TMEM26: variants seen among roughly 807,000 people sequenced by gnomAD.
TMEM26 encodes transmembrane protein 26.
A neutral mutation model predicts 28.8 loss-of-function variants in TMEM26; 38 were observed. That is an observed-to-expected ratio of 1.32 (90% CI 1.02 to 1.73). The LOEUF (loss-of-function observed/expected upper bound fraction) is 1.73. TMEM26 is among the 40% of genes most tolerant of loss of function. TMEM26 has a pLI of 0.00. For synonymous variants in TMEM26, 227 were observed against 182.9 expected, an observed-to-expected ratio of 1.24 and a Z score of -1.95; for missense variants, 518 against 447.1, an observed-to-expected ratio of 1.16 and a Z score of -1.43.
chr10:61,453,204 C>T lies in TMEM26; in HGVS notation c.-123G>A. The T allele has an allele frequency of 1.0e-6, 1 of 998,138 alleles. No individual in the cohort carries two copies. Among genetic ancestry groups the T allele is most frequent in the Non-Finnish European group, 1.4e-6 (1 of 690,558 alleles). 61.8% of individuals were successfully genotyped at this position (998,138 alleles called of 1,614,324 possible). Reference sequence around the variant, plus strand: ...CTGAGACCTGCTGCTGCTTGTGGTCCCTTCTCACCCTCAGCGCCCGATGCC... The same window carrying T: ...CTGAGACCTGCTGCTGCTTGTGGTCTCTTCTCACCCTCAGCGCCCGATGCC... On this transcript the variant is annotated 5_prime_UTR_variant, in exon 1 of 6. Transcript: ENST00000399298.
rs1840309711 is a variant in TMEM26 at position 61,452,739 on chromosome 10, G to T, written c.191+152C>A. 2.6e-5 allele frequency: 25 copies of T among 969,144 alleles called. 1 individual carries two copies. The South Asian group carries it at 2.8e-4, about 11-fold the overall frequency. The allele number at this position is 969,144 out of a possible 1,614,324, so 60.0% of individuals were successfully genotyped here. The stretch of plus-strand genomic sequence containing the variant: ...TGGCCCTGGGGTGCCCAAGAGATGC[G>T]CAAGCATCTCGCGCCTTCCAAGCGA... On this transcript the variant is annotated intron_variant, in intron 1 of 5. Coordinates refer to ENST00000399298, the MANE Select transcript of TMEM26 (RefSeq NM_178505.8).
At chr10:61,440,808 G>C (rs1275763223) in intron 1 of TMEM26, among the ~76,000 whole-genome samples, 1 of 152,164 alleles carries the variant, frequency 6.6e-6, no homozygotes, top group Non-Finnish European at 1.5e-5. Flanking sequence ...CACCAGAACT[G>C]TGCCTGTCTG....
intron 3 of TMEM26, 42 bp from the exon 4 acceptor site, chr10:61,429,188 C>T (rs1222630688): frequency 1.3e-6 from 2 of 1,513,652 alleles, no homozygotes; most frequent in Non-Finnish European, 1.8e-6. Flanking sequence ...TATCAGCCAC[C>T]ACCTGAGAGA....
intron 1 of TMEM26, 31 bp downstream of exon 1, chr10:61,452,860 G>T (rs896816368): frequency 1.5e-5 from 24 of 1,600,538 alleles, no homozygotes; most frequent in Non-Finnish European, 1.9e-5. Flanking sequence ...CTAGGGCCCC[G>T]TGCGCCCTCG....
At chr10:61,414,951 A>C (rs1184473995) in intron 4 of TMEM26, 3 of 981,330 alleles carry the variant, frequency 3.1e-6, no homozygotes, top group Non-Finnish European at 3.6e-6. Flanking sequence ...TGTTAGGTGG[A>C]TTCCTGTGTA....
chr10:61,413,567 T>C (rs1045807755), intron 4 of TMEM26, 32 bp from the exon 5 acceptor site: 52 of 1,576,782 alleles, frequency 3.3e-5, no homozygotes, highest in Admixed American at 2.1e-4. Context: ...AAATTTGTAA[T>C]AAAAAGTATG....
chr10:61,434,602 A>G (rs1240320161), intron 2 of TMEM26, among the ~76,000 whole-genome samples: 1 of 152,188 alleles, frequency 6.6e-6, no homozygotes, highest in Non-Finnish European at 1.5e-5. Context: ...AGCCATGATA[A>G]CTTGAACCAA....
intron 1 of TMEM26, among the ~76,000 whole-genome samples, chr10:61,452,105 G>T (rs1448619796): frequency 6.6e-6 from 1 of 152,100 alleles, no homozygotes; most frequent in Non-Finnish European, 1.5e-5. Context: ...GTTGGGGGAG[G>T]CTCTTCGTCA....
intron 4 of TMEM26, among the ~76,000 whole-genome samples, chr10:61,420,463 G>T (rs934246785): frequency 1.3e-5 from 2 of 152,060 alleles, no homozygotes; most frequent in African/African-American, 4.8e-5. Flanking sequence ...TCAAACTCAT[G>T]TTATTCAAAG....
At chr10:61,435,244 C>T (rs1004349043) in intron 2 of TMEM26, among the ~76,000 whole-genome samples, 2 of 152,108 alleles carry the variant, frequency 1.3e-5, no homozygotes, top group African/African-American at 4.8e-5. Context: ...TGCAGTGGTA[C>T]AATCTCGGCT....
rs1839542295 is a variant in TMEM26 at position 61,409,998 on chromosome 10, A to T, written c.*324T>A. On this transcript the variant is annotated 3_prime_UTR_variant, in exon 6 of 6. Coordinates refer to ENST00000399298, the MANE Select transcript of TMEM26 (RefSeq NM_178505.8). ...TCTATTTCCAGGTAACAGCCGCGAC[A>T]GTTGGTCTGCACCAAATCTTTCGAG... 1 of 277,978 alleles carries T rather than the reference A, an allele frequency of 3.6e-6. No individual in the cohort carries two copies. Among genetic ancestry groups the T allele is most frequent in the Non-Finnish European group, 6.7e-6 (1 of 148,188 alleles). The allele number at this position is 277,978 out of a possible 1,614,324, so 17.2% of individuals were successfully genotyped here. A position where few individuals can be genotyped will look rare whatever the true frequency, so the allele number is the denominator to read the frequency against.
At chr10:61,451,004 G>A (rs1397710224) in intron 1 of TMEM26, among the ~76,000 whole-genome samples, 1 of 152,082 alleles carries the variant, frequency 6.6e-6, no homozygotes, top group African/African-American at 2.4e-5. Context: ...GTATTCACAG[G>A]TAAGAAATTG....
intron 4 of TMEM26, among the ~76,000 whole-genome samples, chr10:61,418,027 G>C (rs981998411): frequency 6.6e-6 from 1 of 151,960 alleles, no homozygotes; most frequent in African/African-American, 2.4e-5. Context: ...GGAATCTGAA[G>C]CATTCTTACC....
rs1006311689 is a variant in TMEM26, at chr10:61,430,761, C to T, written c.384+458G>A. 3.3e-5 allele frequency among the ~76,000 whole-genome samples: 5 copies of T among 152,084 alleles called. No individual in the cohort carries two copies. The East Asian group carries it at 5.8e-4, about 18-fold the overall frequency. Reference sequence around the variant, plus strand: ...ACGTAGGTTTATCAGTGTTAACAAACGCACCACTGTGGTGCAGGGTATTGA... The same window carrying T: ...ACGTAGGTTTATCAGTGTTAACAAATGCACCACTGTGGTGCAGGGTATTGA... On this transcript the variant is annotated intron_variant, in intron 3 of 5. Coordinates refer to ENST00000399298, the MANE Select transcript of TMEM26 (RefSeq NM_178505.8).
chr10:61,430,706 G>A (rs191037527), intron 3 of TMEM26, among the ~76,000 whole-genome samples: 71 of 151,846 alleles, frequency 4.7e-4, no homozygotes, highest in Admixed American at 2.2e-3. Flanking sequence ...AAAACAAAAC[G>A]CCACTTTTAT....
chr10:61,446,577 T>C (rs1270384899), intron 1 of TMEM26, among the ~76,000 whole-genome samples: 1 of 151,932 alleles, frequency 6.6e-6, no homozygotes, highest in African/African-American at 2.4e-5. Flanking sequence ...TCCCAGCACT[T>C]TGGGAGGCCG....
At chr10:61,414,210 G>A (rs1299560961) in intron 4 of TMEM26, 2 of 289,144 alleles carry the variant, frequency 6.9e-6, no homozygotes, top group Non-Finnish European at 1.0e-5. Flanking sequence ...ATATACAAAT[G>A]TCCTAGACCT....
rs1310419435 is a variant in TMEM26, at chr10:61,406,648, T to G, written c.*3674A>C. The G allele has an allele frequency of 6.6e-6, 1 of 152,066 alleles. No homozygotes were observed. The highest frequency in any genetic ancestry group is 1.5e-5 in the Non-Finnish European group (1 of 67,968). The allele number at this position is 152,066 out of a possible 1,614,324, so 9.4% of individuals were successfully genotyped here. ...GCAAAAATCCACATTAAGATAAAGT[T>G]GTGCACACACTATTTAATGCATATA... On this transcript the variant is annotated 3_prime_UTR_variant, in exon 6 of 6. Transcript: ENST00000399298.
rs1363650455 is a variant in TMEM26 at position 61,410,547 on chromosome 10, G to A, written c.882C>T (p.Phe294=). 2.5e-6 allele frequency: 4 copies of A among 1,613,962 alleles called. No homozygotes were observed. In the East Asian group the frequency reaches 8.9e-5, roughly 36 times the overall value. Residue 294 remains phenylalanine (F), a synonymous_variant, in exon 6 of 6, where the codon TTC becomes TTT. Coordinates refer to ENST00000399298, the MANE Select transcript of TMEM26 (RefSeq NM_178505.8). ...QMLVFFAAKN[F]LVVVLQLYRL... The stretch of plus-strand genomic sequence containing the variant: ...GGTAGAGTTGCAACACCACCACGAG[G>A]AAGTTCTTCGCGGCAAAGAACACCA...
Sources: allele counts gnomAD v4.1 joint callset (sites outside exome capture counted in the v4.1 genomes callset), GRCh38; gene constraint gnomAD v4.1.1; transcripts MANE v1.5; gene names NCBI Gene and HGNC (gene_info 2026-07-23, HGNC 2026-07-21).